UNC79: variants seen among roughly 807,000 people sequenced by gnomAD.
UNC79 encodes protein unc-79 homolog.
A neutral mutation model predicts 283.1 loss-of-function variants in UNC79; 37 were observed. The observed-to-expected ratio is 0.13, with a 90% CI of 0.10 to 0.17. UNC79 has a LOEUF of 0.17. Among genes scored for constraint, UNC79 ranks in the 10% least tolerant of loss-of-function variants. UNC79 has a pLI of 1.00. For missense variants in UNC79, 2,272 were observed against 3,211.1 expected (o/e 0.71, Z 7.07); for synonymous variants, 1,107 against 1,200.2 (o/e 0.92, Z 1.61).
intron 9 of UNC79, 81 bp from the exon 10 acceptor site, chr14:93,529,205 C>T (rs760287976): frequency 2.1e-6 from 3 of 1,454,766 alleles, no homozygotes; most frequent in Non-Finnish European, 2.8e-6. Context: ...CCTTTCAGCA[C>T]TAGTGTGCAG....
chr14:93,392,808 T>C (rs1414516818), intron 1 of UNC79, among the ~76,000 whole-genome samples: 2 of 152,220 alleles, frequency 1.3e-5, no homozygotes, highest in Non-Finnish European at 2.9e-5. Context: ...TAACACCTAA[T>C]ATGTTCGTGA....
intron 40 of UNC79, among the ~76,000 whole-genome samples, chr14:93,666,924 C>A (rs905781038): frequency 1.3e-5 from 2 of 151,964 alleles, no homozygotes; most frequent in Non-Finnish European, 2.9e-5. Flanking sequence ...GGCAACATAA[C>A]AAGACCCTGT....
intron 1 of UNC79, among the ~76,000 whole-genome samples, chr14:93,457,865 A>G (rs539643029): frequency 2.0e-5 from 3 of 152,350 alleles, no homozygotes; most frequent in Non-Finnish European, 4.4e-5. Flanking sequence ...GACAGAACCA[A>G]TAGGGCCAAT....
chr14:93,577,819 T>C, intron 17 of UNC79, 23 bp from the exon 18 acceptor site: 1 of 1,610,106 alleles, frequency 6.2e-7, no homozygotes, highest in Non-Finnish European at 8.5e-7. Context: ...TTCATTTCTA[T>C]GTGTTGCCAT....
intron 1 of UNC79, among the ~76,000 whole-genome samples, chr14:93,336,826 T>G (rs970308924): frequency 6.6e-6 from 1 of 152,216 alleles, no homozygotes; most frequent in Non-Finnish European, 1.5e-5. Context: ...TGTACTGATA[T>G]GGTTTGGATG....
At chr14:93,403,775 A>G (rs1452823990) in intron 1 of UNC79, among the ~76,000 whole-genome samples, 1 of 152,178 alleles carries the variant, frequency 6.6e-6, no homozygotes, top group African/African-American at 2.4e-5. Flanking sequence ...ATAAAAAGGC[A>G]ATTGGAGTGA....
chr14:93,544,593 T>C (rs1236841171), intron 14 of UNC79, among the ~76,000 whole-genome samples: 1 of 152,234 alleles, frequency 6.6e-6, no homozygotes, highest in Non-Finnish European at 1.5e-5. Context: ...ATTTCCCTCA[T>C]CTGAAACTTC....
chr14:93,587,105 A>T (rs1008082283), intron 22 of UNC79, among the ~76,000 whole-genome samples, 197 bp downstream of exon 22: 1 of 152,164 alleles, frequency 6.6e-6, no homozygotes, highest in Non-Finnish European at 1.5e-5. Context: ...GGTAATTTCC[A>T]TTTGCCTGAT....
Position 93,643,712 on chromosome 14 carries a change from C to A in UNC79, c.6044+15C>A, listed in dbSNP as rs374830206. Reference sequence around the variant, plus strand: ...TCTGTGGGAAGGTGAATGTCAGCTTCTGTTTTGTTTGGTAGGAAGGTCCTT... The same window carrying A: ...TCTGTGGGAAGGTGAATGTCAGCTTATGTTTTGTTTGGTAGGAAGGTCCTT... On this transcript the variant is annotated intron_variant, in intron 34 of 48. Transcript: ENST00000555664. The A allele has an allele frequency of 7.4e-6, 12 of 1,611,398 alleles. No individual in the cohort carries two copies. The East Asian group carries it at 2.7e-4, about 36-fold the overall frequency.
At chr14:93,402,228 G>C (rs1221269381) in intron 1 of UNC79, among the ~76,000 whole-genome samples, 1 of 132,846 alleles carries the variant, frequency 7.5e-6, no homozygotes, top group African/African-American at 2.9e-5. Context: ...ACTGAGCTGA[G>C]ATTGCACCAC....
intron 5 of UNC79, among the ~76,000 whole-genome samples, chr14:93,493,425 G>T (rs1440025935): frequency 6.6e-6 from 1 of 152,162 alleles, no homozygotes; most frequent in Non-Finnish European, 1.5e-5. Context: ...TGTGGTGTCT[G>T]TCACCCCTGC....
At chr14:93,426,177 T>C (rs916386267), upstream of UNC79, among the ~76,000 whole-genome samples, 3 of 152,156 alleles carry the variant, frequency 2.0e-5, no homozygotes, top group African/African-American at 7.2e-5. Context: ...TTGTTTCTGA[T>C]TGGAAGTCAG....
intron 20 of UNC79, among the ~76,000 whole-genome samples, chr14:93,585,473 A>G (rs1452443705): frequency 1.3e-5 from 2 of 152,226 alleles, no homozygotes; most frequent in African/African-American, 4.8e-5. Context: ...ATATATTTAA[A>G]ACTTTCACAT....
At chr14:93,446,203 G>A (rs1005973413) in intron 1 of UNC79, among the ~76,000 whole-genome samples, 11 of 152,116 alleles carry the variant, frequency 7.2e-5, no homozygotes, top group African/African-American at 2.7e-4. Context: ...TTCTGAAAGT[G>A]AAAACTATAT....
At chr14:93,563,092 G>T (rs1438170040) in intron 14 of UNC79, among the ~76,000 whole-genome samples, 1 of 152,136 alleles carries the variant, frequency 6.6e-6, no homozygotes, top group African/African-American at 2.4e-5. Context: ...GAATACAATG[G>T]GTCTGTGAGG....
intron 1 of UNC79, among the ~76,000 whole-genome samples, chr14:93,440,572 A>T (rs1187061049): frequency 6.7e-6 from 1 of 149,390 alleles, no homozygotes; most frequent in Non-Finnish European, 1.5e-5. Context: ...CATTTCATGC[A>T]ATATATTTTT....
chr14:93,402,684 G>C (rs1436757307), intron 1 of UNC79, among the ~76,000 whole-genome samples: 1 of 152,052 alleles, frequency 6.6e-6, no homozygotes, highest in Admixed American at 6.6e-5. Context: ...GATATAGATA[G>C]AATTAGAGGT....
intron 1 of UNC79, among the ~76,000 whole-genome samples, chr14:93,456,760 G>A (rs1261449339): frequency 6.6e-6 from 1 of 152,190 alleles, no homozygotes; most frequent in Non-Finnish European, 1.5e-5. Flanking sequence ...GCTGGTCAGG[G>A]TGAAAGTGGG....
chr14:93,582,531 C>T (rs1243504519), intron 20 of UNC79, among the ~76,000 whole-genome samples, 187 bp downstream of exon 20: 2 of 152,156 alleles, frequency 1.3e-5, no homozygotes, highest in Non-Finnish European at 2.9e-5. Context: ...CCATAGAACC[C>T]AGTTCCCTGA....
Sources: allele counts gnomAD v4.1 joint callset (sites outside exome capture counted in the v4.1 genomes callset), GRCh38; gene constraint gnomAD v4.1.1; transcripts MANE v1.5; gene names NCBI Gene and HGNC (gene_info 2026-07-23, HGNC 2026-07-21).